ARHGEF28: variants seen among roughly 807,000 people sequenced by gnomAD.
ARHGEF28 encodes the protein Rho guanine nucleotide exchange factor 28.
ARHGEF28 carries 152 observed loss-of-function variants against 206.6 expected under a neutral mutation model. The ratio of observed to expected loss-of-function variants is 0.74; its 90% CI spans 0.64 to 0.84. The LOEUF (loss-of-function observed/expected upper bound fraction) is 0.84, where lower values mean the gene tolerates loss of function less well. ARHGEF28 is among the 40% of genes least tolerant of loss of function. The pLI is 0.00. For synonymous variants in ARHGEF28, 763 were observed against 776.4 expected (o/e 0.98, Z 0.29); for missense variants, 2,028 against 2,073.2 (o/e 0.98, Z 0.42).
intron 1 of ARHGEF28, among the ~76,000 whole-genome samples, chr5:73,630,569 G>A (rs1743306342): frequency 1.3e-5 from 2 of 152,188 alleles, no homozygotes; most frequent in Admixed American, 1.3e-4. Flanking sequence ...AGGGTAGCAG[G>A]TTTTTCAGCT....
intron 23 of ARHGEF28, among the ~76,000 whole-genome samples, chr5:73,883,504 T>G (rs1025367890): frequency 1.3e-5 from 2 of 152,256 alleles, no homozygotes; most frequent in Non-Finnish European, 2.9e-5. Flanking sequence ...ATCGAGGCAC[T>G]TAGAAGTATT....
chr5:73,815,159 A>C (rs1395608786), intron 9 of ARHGEF28, among the ~76,000 whole-genome samples: 1 of 151,580 alleles, frequency 6.6e-6, no homozygotes, highest in Non-Finnish European at 1.5e-5. Flanking sequence ...AGGCCATGAT[A>C]TATGTAACTT....
At chr5:73,733,019 G>A (rs1330619762) in intron 2 of ARHGEF28, among the ~76,000 whole-genome samples, 1 of 152,004 alleles carries the variant, frequency 6.6e-6, no homozygotes, top group African/African-American at 2.4e-5. Flanking sequence ...TAGGTTTTGG[G>A]GAACAGGTGG....
intron 2 of ARHGEF28, among the ~76,000 whole-genome samples, chr5:73,692,965 C>T (rs1024790778): frequency 2.6e-5 from 4 of 152,180 alleles, no homozygotes; most frequent in Admixed American, 6.5e-5. Context: ...CCCATCAACT[C>T]GAAATATTAG....
At chr5:73,688,680 T>C (rs879340137) in intron 2 of ARHGEF28, among the ~76,000 whole-genome samples, 3 of 152,176 alleles carry the variant, frequency 2.0e-5, no homozygotes, top group Non-Finnish European at 4.4e-5. Flanking sequence ...TTTTTTGAGA[T>C]GGAGTCTCAC....
At chr5:73,805,253 C>G (rs1337590228) in intron 9 of ARHGEF28, among the ~76,000 whole-genome samples, 1 of 152,066 alleles carries the variant, frequency 6.6e-6, no homozygotes, top group Non-Finnish European at 1.5e-5. Context: ...GTACACAACA[C>G]TATGCCTTTA....
chr5:73,724,386 C>T (rs1422269315), intron 2 of ARHGEF28, among the ~76,000 whole-genome samples: 1 of 152,102 alleles, frequency 6.6e-6, no homozygotes, highest in African/African-American at 2.4e-5. Flanking sequence ...GTTCTAAATG[C>T]ATGATTCTTT....
At chr5:73,821,956 T>C (rs553291282) in intron 9 of ARHGEF28, among the ~76,000 whole-genome samples, 68 of 152,252 alleles carry the variant, frequency 4.5e-4, no homozygotes, top group Admixed American at 1.7e-3. Flanking sequence ...CTTGGAAAGA[T>C]TGGTTTTTGT....
chr5:73,656,313 C>T (rs140828560), intron 1 of ARHGEF28, among the ~76,000 whole-genome samples: 6 of 152,318 alleles, frequency 3.9e-5, no homozygotes, highest in African/African-American at 9.6e-5. Flanking sequence ...CATGTGGACA[C>T]CTCAAACTTA....
intron 14 of ARHGEF28, among the ~76,000 whole-genome samples, chr5:73,856,382 T>C (rs180797129): frequency 1.1e-4 from 16 of 152,300 alleles, no homozygotes; most frequent in Admixed American, 9.2e-4. Context: ...CCCAATTTCA[T>C]TTACTGTGCA....
At chr5:73,700,333 G>T (rs1748519389) in intron 2 of ARHGEF28, among the ~76,000 whole-genome samples, 2 of 152,134 alleles carry the variant, frequency 1.3e-5, no homozygotes, top group South Asian at 4.1e-4. Context: ...TGGGGGTGGG[G>T]AATACCTTCT....
chr5:73,923,632 C>G (rs1200957472), intron 35 of ARHGEF28, among the ~76,000 whole-genome samples: 1 of 152,196 alleles, frequency 6.6e-6, no homozygotes, highest in Admixed American at 6.5e-5. Context: ...TTCACCCCCT[C>G]TACCATAGGA....
intron 35 of ARHGEF28, among the ~76,000 whole-genome samples, chr5:73,932,201 A>G (rs768571106): frequency 6.6e-6 from 1 of 152,248 alleles, no homozygotes; most frequent in African/African-American, 2.4e-5. Context: ...GATATGTATC[A>G]TGATAAATTA....
intron 2 of ARHGEF28, among the ~76,000 whole-genome samples, chr5:73,704,581 C>T (rs986474953): frequency 6.6e-6 from 1 of 152,000 alleles, no homozygotes; most frequent in Non-Finnish European, 1.5e-5. Context: ...TGTGCCACCA[C>T]ACCTGGCTAA....
At chr5:73,763,114 T>C (rs1184392936) in intron 4 of ARHGEF28, among the ~76,000 whole-genome samples, 1 of 152,240 alleles carries the variant, frequency 6.6e-6, no homozygotes, top group Non-Finnish European at 1.5e-5. Flanking sequence ...TTTTCATTCA[T>C]GGATAATCGT....
At chr5:73,798,487 A>G (rs1161293229) in intron 9 of ARHGEF28, among the ~76,000 whole-genome samples, 1 of 152,240 alleles carries the variant, frequency 6.6e-6, no homozygotes, top group Non-Finnish European at 1.5e-5. Context: ...CCCCAGAACC[A>G]GCTCCGCAAG....
chr5:73,665,799 T>C (rs1194337964), intron 1 of ARHGEF28, among the ~76,000 whole-genome samples: 1 of 152,118 alleles, frequency 6.6e-6, no homozygotes, highest in African/African-American at 2.4e-5. Flanking sequence ...ACTGTTGCAT[T>C]GGGGATTAAG....
intron 2 of ARHGEF28, among the ~76,000 whole-genome samples, chr5:73,736,245 G>A (rs532909742): frequency 6.6e-6 from 1 of 152,284 alleles, no homozygotes; most frequent in African/African-American, 2.4e-5. Flanking sequence ...AAATGGTCAC[G>A]GAGCCAATCA....
intron 2 of ARHGEF28, among the ~76,000 whole-genome samples, chr5:73,739,908 CTG>C (rs893062748): frequency 6.7e-6 from 1 of 149,356 alleles, no homozygotes; most frequent in African/African-American, 2.5e-5. Context: ...TGGCTCATGT[CTG>C]TAATTCCAGC....
Sources: gnomAD v4.1 joint callset for allele counts (sites outside exome capture counted in the v4.1 genomes callset) on GRCh38, gnomAD v4.1.1 for gene constraint, MANE v1.5 for transcripts, NCBI Gene and HGNC (gene_info 2026-07-23, HGNC 2026-07-21) for gene names.